ZNF677: variants seen among roughly 807,000 people sequenced by gnomAD.
ZNF677 encodes hypothetical protein MGC48625.
Under a neutral mutation model 8.1 loss-of-function variants are expected in ZNF677, and 5 were observed. The observed-to-expected ratio is 0.62, with a 90% CI of 0.32 to 1.29. The LOEUF (loss-of-function observed/expected upper bound fraction) is 1.29, where lower values mean the gene tolerates loss of function less well. ZNF677 is among the 50% of genes most tolerant of loss of function. The probability of loss-of-function intolerance (pLI) is 0.05; values close to 1 mark genes in which losing one functional copy is unlikely to be tolerated. For missense variants in ZNF677, 685 were observed against 685.9 expected, an observed-to-expected ratio of 1.00 and a Z score of 0.01; for synonymous variants, 221 against 225.6, an observed-to-expected ratio of 0.98 and a Z score of 0.18.
rs922135929 is a variant in ZNF677 at position 53,237,774 on chromosome 19, G to A, written c.953C>T (p.Pro318Leu). 5 of 1,613,366 alleles carry A rather than the reference G, an allele frequency of 3.1e-6. No homozygotes were observed. Among genetic ancestry groups the A allele is most frequent in the Non-Finnish European group, 4.2e-6 (5 of 1,179,778 alleles). ...RHQRVHTGEK[P>L]YQCNICGKVC... ...CTTGCCACATATATTACATTGATAT[G>A]GTTTCTCTCCTGTATGGACTCTCTG... The change falls in exon 5 of 5, where the codon CCA becomes CTA. Residue 318 changes from proline (P) to leucine (L), a missense_variant. Coordinates refer to ENST00000598513, the MANE Select transcript of ZNF677 (RefSeq NM_182609.4).
Position 53,236,905 on chromosome 19 carries a change from G to A in ZNF677, c.*67C>T, listed in dbSNP as rs2090976461. On this transcript the variant is annotated 3_prime_UTR_variant, in exon 5 of 5. Coordinates refer to ENST00000598513, the MANE Select transcript of ZNF677 (RefSeq NM_182609.4). ...TATTCTGGTATCAAGTGAGACATAA[G>A]CCATAGCTAAAGGCTTTACCACATT... The A allele has an allele frequency of 1.4e-6, 2 of 1,391,858 alleles. No individual in the cohort carries two copies. Among genetic ancestry groups the A allele is most frequent in the South Asian group, 1.5e-5 (1 of 66,214 alleles). 86.2% of individuals were successfully genotyped at this position (1,391,858 alleles called of 1,614,324 possible).
intron 3 of ZNF677, among the ~76,000 whole-genome samples, chr19:53,250,441 T>C (rs368568442): frequency 2.6e-5 from 4 of 152,286 alleles, no homozygotes; most frequent in African/African-American, 9.6e-5. Context: ...TGCCCACCAA[T>C]GGTGGACTGA....
At chr19:53,252,053 T>C (rs555536138) in intron 2 of ZNF677, among the ~76,000 whole-genome samples, 1 of 152,310 alleles carries the variant, frequency 6.6e-6, no homozygotes, top group Admixed American at 6.5e-5. Flanking sequence ...CATAAAAAGA[T>C]ATAACGCCAG....
intron 3 of ZNF677, among the ~76,000 whole-genome samples, chr19:53,249,726 T>C (rs1178217262): frequency 6.6e-6 from 1 of 150,578 alleles, no homozygotes; most frequent in Non-Finnish European, 1.5e-5. Context: ...AAAAAATATA[T>C]ATATCATGTG....
At position 53,237,231 on chromosome 19, in the gene ZNF677, C is replaced by T. The variant is rs761424787; in HGVS notation, c.1496G>A (p.Arg499His). ...CTECGKAFTERSNLTQHKKIH... is the reference protein window; with the variant it reads ...CTECGKAFTEHSNLTQHKKIH... ...TTTCTTATGCTGAGTAAGATTTGAA[C>T]GTTCAGTAAAGGCTTTGCCACATTC... Residue 499 changes from arginine to histidine, a missense_variant, in exon 5 of 5, where the codon CGT (arginine) becomes CAT (histidine). Coordinates refer to ENST00000598513, the MANE Select transcript of ZNF677 (RefSeq NM_182609.4). 8.1e-6 allele frequency: 13 copies of T among 1,612,340 alleles called. No individual in the cohort carries two copies. Among genetic ancestry groups the T allele is most frequent in the Admixed American group, 6.7e-5 (4 of 59,900 alleles).
chr19:53,246,313 G>A (rs1323775329), intron 3 of ZNF677, among the ~76,000 whole-genome samples: 3 of 14,890 alleles, frequency 2.0e-4, no homozygotes, highest in African/African-American at 6.6e-4. Context: ...GCGAGACTCC[G>A]TCCCAAAAAA....
rs753614859 is a variant in ZNF677 at position 53,243,852 on chromosome 19, C to T, written c.61G>A (p.Glu21Lys). 1.2e-6 allele frequency: 2 copies of T among 1,611,768 alleles called. No homozygotes were observed. Among genetic ancestry groups the T allele is most frequent in the Non-Finnish European group, 1.7e-6 (2 of 1,179,300 alleles). The change falls in exon 4 of 5, where the codon GAG becomes AAG. Residue 21 changes from glutamate (E) to lysine (K), a missense_variant. By Grantham distance (56) the Glu-to-Lys change is moderately conservative (BLOSUM62 1). Coordinates refer to ENST00000598513, the MANE Select transcript of ZNF677 (RefSeq NM_182609.4). ...TGGGCAGGGTCCAGGCACTCCCACTCCTCTTGAGAGAATTCTATGGCCACA... is the reference window on the plus strand; with the variant it reads ...TGGGCAGGGTCCAGGCACTCCCACTTCTCTTGAGAGAATTCTATGGCCACA... ...KDVAIEFSQE[E>K]WECLDPAQRA... is the part of the protein sequence containing the mutation.
At chr19:53,241,653 GAA>G in intron 4 of ZNF677, 2 of 386,556 alleles carry the variant, frequency 5.2e-6, no homozygotes, top group Non-Finnish European at 9.1e-6. Context: ...AAACTCCACA[GAA>G]ACCAGAAGGT....
In ZNF677 at chr19:53,237,551, T is replaced by C. The variant is rs1281556720; in HGVS notation, c.1176A>G (p.Gln392=). The change falls in exon 5 of 5, where the codon CAA becomes CAG. Residue 392 remains glutamine, a synonymous_variant. Transcript: ENST00000598513. The part of the protein sequence containing the change: ...KAFAERSSLT[Q]HKRIHTGEKP... ...TCTCTCCAGTATGGATTCTCTTATG[T>C]TGGGTAAGGCTTGAACGTTCAGCAA... 6.2e-7 allele frequency: 1 copy of C among 1,612,652 alleles called. No homozygotes were observed. The highest frequency in any genetic ancestry group is 8.5e-7 in the Non-Finnish European group (1 of 1,179,590).
At chr19:53,240,539 C>T (rs2091033571) in intron 4 of ZNF677, 1 of 152,344 alleles carries the variant, frequency 6.6e-6, no homozygotes, top group African/African-American at 2.4e-5. Context: ...AGCCACCACG[C>T]CCAGCCCTAG....
chr19:53,238,053 GAGGA>G lies in ZNF677; in HGVS notation c.670_673del (p.Ser224GlnfsTer20). The G allele has an allele frequency of 6.2e-7, 1 of 1,614,024 alleles. No homozygotes were observed. Among genetic ancestry groups the G allele is most frequent in the South Asian group, 1.1e-5 (1 of 91,070 alleles). On this transcript the variant is annotated frameshift_variant, in exon 5 of 5. Transcript: ENST00000598513. LOFTEE classifies it low-confidence loss of function (END_TRUNC). ...GACACAAGGAGGAAGTGGTGAAACT[GAGGA>G]ACTATTGATAGACTTCTCAACTGGA...
At chr19:53,243,343 C>T (rs1045347684) in intron 4 of ZNF677, 39 of 185,942 alleles carry the variant, frequency 2.1e-4, no homozygotes, top group African/African-American at 1.7e-3. Flanking sequence ...GGACATTACA[C>T]ATGGGTCTGC....
chr19:53,251,169 A>G (rs998858858), intron 3 of ZNF677, among the ~76,000 whole-genome samples: 19 of 152,166 alleles, frequency 1.2e-4, no homozygotes, highest in African/African-American at 4.6e-4. Flanking sequence ...ACATTAATAT[A>G]TCACTTCCAT....
In ZNF677 at chr19:53,238,424, T is replaced by C. The variant is rs760114973; in HGVS notation, c.303A>G (p.Glu101=). 4 of 1,613,794 alleles carry C rather than the reference T, an allele frequency of 2.5e-6. No homozygotes were observed. The highest frequency in any genetic ancestry group is 2.5e-6 in the Non-Finnish European group (3 of 1,179,954). ...INNFDLKEVW[E]NMPKFDSLWD... ...ACAGGCTGTCAAACTTAGGCATATT[T>C]TCCCAGACTTCCTTGAGGTCAAAAT... Residue 101 remains glutamate, a synonymous_variant, in exon 5 of 5, where the codon GAA becomes GAG. Coordinates refer to ENST00000598513, the MANE Select transcript of ZNF677 (RefSeq NM_182609.4).
In ZNF677 at chr19:53,241,949, G is replaced by C. The variant is rs191434356; in HGVS notation, c.169+1795C>G. On this transcript the variant is annotated intron_variant, in intron 4 of 4. Transcript: ENST00000598513. ...TTTTCTTTTTCTTTTTTTTTTTTTCGAGATGGAGTTTTGCTCTTGTTGCCC... is the reference window on the plus strand; with the variant it reads ...TTTTCTTTTTCTTTTTTTTTTTTTCCAGATGGAGTTTTGCTCTTGTTGCCC... 4,546 of 382,590 alleles carry C rather than the reference G, an allele frequency of 0.012. 290 individuals are homozygous for C. The East Asian group carries it at 0.14, about 12-fold the overall frequency. 23.7% of individuals were successfully genotyped at this position (382,590 alleles called of 1,614,324 possible).
At chr19:53,248,585 A>C (rs1295548363) in intron 3 of ZNF677, among the ~76,000 whole-genome samples, 1 of 152,208 alleles carries the variant, frequency 6.6e-6, no homozygotes, top group Non-Finnish European at 1.5e-5. Flanking sequence ...CTGATACTGA[A>C]TTCCTGCTGG....
At chr19:53,252,032 C>T (rs1016076059) in intron 2 of ZNF677, among the ~76,000 whole-genome samples, 1 of 152,156 alleles carries the variant, frequency 6.6e-6, no homozygotes, top group Non-Finnish European at 1.5e-5. Context: ...GTCCCACAGG[C>T]AGGGGGAAAG....
rs1471835507 is a variant in ZNF677 at position 53,236,407 on chromosome 19, G to A, written c.*565C>T. On this transcript the variant is annotated 3_prime_UTR_variant, in exon 5 of 5. Transcript: ENST00000598513. ...AACTGAATAAAAAATTTTTAACACT[G>A]AAGTTACATCTTTCCACAGATGTCC... 1 of 152,130 alleles carries A rather than the reference G, an allele frequency of 6.6e-6. No individual in the cohort carries two copies. The highest frequency in any genetic ancestry group is 2.4e-5 in the African/African-American group (1 of 41,424). The allele number at this position is 152,130 out of a possible 1,614,324, so 9.4% of individuals were successfully genotyped here. A position where few individuals can be genotyped will look rare whatever the true frequency, so the allele number is the denominator to read the frequency against.
Position 53,237,556 on chromosome 19 carries a change from T to G in ZNF677, c.1171A>C (p.Thr391Pro). The G allele has an allele frequency of 6.2e-7, 1 of 1,613,654 alleles. No homozygotes were observed. Among genetic ancestry groups the G allele is most frequent in the African/African-American group, 1.3e-5 (1 of 74,888 alleles). Residue 391 changes from threonine (T) to proline (P), a missense_variant, in exon 5 of 5, where the codon ACC becomes CCC. Transcript: ENST00000598513. ...CCAGTATGGATTCTCTTATGTTGGG[T>G]AAGGCTTGAACGTTCAGCAAAGGCT... is the stretch of plus-strand genomic sequence containing the variant. ...DKAFAERSSL[T>P]QHKRIHTGEK...
Sources: allele counts gnomAD v4.1 joint callset (sites outside exome capture counted in the v4.1 genomes callset), GRCh38; gene constraint gnomAD v4.1.1; transcripts MANE v1.5; gene names NCBI Gene and HGNC (gene_info 2026-07-23, HGNC 2026-07-21).